SDK1: variants seen among roughly 807,000 people sequenced by gnomAD.
SDK1 encodes protein sidekick-1.
Under a neutral mutation model 245.5 loss-of-function variants are expected in SDK1, and 157 were observed. The observed-to-expected ratio is 0.64, with a 90% CI of 0.56 to 0.73. The LOEUF (loss-of-function observed/expected upper bound fraction) is 0.73, where lower values mean the gene tolerates loss of function less well. Ranked by LOEUF, SDK1 falls within the 30% of genes least tolerant of loss-of-function variation. The pLI is 0.00. For missense variants in SDK1, 3,583 were observed against 3,002.3 expected (o/e 1.19, Z -4.52); for synonymous variants, 1,647 against 1,278.5 (o/e 1.29, Z -6.15).
intron 44 of SDK1, among the ~76,000 whole-genome samples, chr7:4,252,082 G>C (rs1203751388): frequency 6.6e-6 from 1 of 152,024 alleles, no homozygotes; most frequent in Non-Finnish European, 1.5e-5. Context: ...TATACGTTAA[G>C]TTTTAGGGTA....
intron 17 of SDK1, among the ~76,000 whole-genome samples, chr7:4,048,670 T>A (rs2128165488): frequency 6.6e-6 from 1 of 152,312 alleles, no homozygotes; most frequent in East Asian, 1.9e-4. Context: ...GAGGCAGTCA[T>A]CTGCCCTTCA....
chr7:3,978,646 A>AATG (rs1394105802), intron 13 of SDK1, among the ~76,000 whole-genome samples: 1 of 152,138 alleles, frequency 6.6e-6, no homozygotes, highest in Non-Finnish European at 1.5e-5. Flanking sequence ...ATGGCAATAG[A>AATG]ATGATAATAA....
chr7:3,388,253 T>C lies in SDK1; in HGVS notation c.298+86369T>C, dbSNP rs190478877. ...GTGGATGTGTATATATTTTTATGTA[T>C]GTAAAGTTCTGAGGTTGAATAAGCC... On this transcript the variant is annotated intron_variant, in intron 1 of 44. Coordinates refer to ENST00000404826, the MANE Select transcript of SDK1 (RefSeq NM_152744.4). Among the ~76,000 whole-genome samples the C allele has an allele frequency of 2.6e-3, 393 of 152,138 alleles. 5 individuals carry two copies. The highest frequency in any genetic ancestry group is 9.1e-3 in the African/African-American group (377 of 41,482).
chr7:3,488,281 T>C (rs961629300), intron 1 of SDK1, among the ~76,000 whole-genome samples: 3 of 152,322 alleles, frequency 2.0e-5, no homozygotes, highest in South Asian at 2.1e-4. Flanking sequence ...TTTTCTTTTC[T>C]TTTCTGTGCT....
intron 35 of SDK1, among the ~76,000 whole-genome samples, chr7:4,183,811 A>T (rs1358587610): frequency 1.3e-5 from 2 of 152,166 alleles, no homozygotes; most frequent in African/African-American, 4.8e-5. Context: ...CTCTAAGTTA[A>T]ACTAAAAAGT....
intron 22 of SDK1, among the ~76,000 whole-genome samples, chr7:4,103,888 G>A (rs960370392): frequency 3.2e-4 from 49 of 152,388 alleles, no homozygotes; most frequent in African/African-American, 1.1e-3. Flanking sequence ...AGGCTTTCCA[G>A]GTCAGACGCT....
chr7:3,847,171 C>T (rs1054152458), intron 5 of SDK1, among the ~76,000 whole-genome samples: 2 of 152,086 alleles, frequency 1.3e-5, no homozygotes, highest in South Asian at 2.1e-4. Context: ...CCTGCCTTTG[C>T]GATTTCAACC....
intron 1 of SDK1, among the ~76,000 whole-genome samples, chr7:3,430,803 GGT>G (rs1389982395): frequency 6.6e-6 from 1 of 152,186 alleles, no homozygotes; most frequent in African/African-American, 2.4e-5. Flanking sequence ...CCATGCCTCC[GGT>G]GGATGGAATG....
chr7:3,783,917 A>C (rs1780824347), intron 4 of SDK1, among the ~76,000 whole-genome samples: 1 of 152,210 alleles, frequency 6.6e-6, no homozygotes, highest in South Asian at 2.1e-4. Flanking sequence ...CAAAAGAATA[A>C]AGCTGAAGGC....
At chr7:4,036,940 C>G (rs118068720) in intron 17 of SDK1, among the ~76,000 whole-genome samples, 92 of 152,278 alleles carry the variant, frequency 6.0e-4, no homozygotes, top group Non-Finnish European at 1.2e-3. Context: ...CAGGTTCTTG[C>G]AGCTGTCTAT....
intron 25 of SDK1, among the ~76,000 whole-genome samples, chr7:4,120,929 TAA>T (rs1216291142): frequency 4.2e-5 from 6 of 141,398 alleles, no homozygotes; most frequent in Non-Finnish European, 7.7e-5. Context: ...AACACTCTTT[TAA>T]AAAAAAAAAA....
intron 4 of SDK1, among the ~76,000 whole-genome samples, chr7:3,736,132 C>T (rs534422327): frequency 5.9e-5 from 9 of 152,176 alleles, no homozygotes; most frequent in East Asian, 3.9e-4. Context: ...TTTCTTATTC[C>T]GTAGGTTGCA....
chr7:3,939,946 T>A (rs1036941701), intron 5 of SDK1, among the ~76,000 whole-genome samples: 2 of 152,232 alleles, frequency 1.3e-5, no homozygotes, highest in Non-Finnish European at 2.9e-5. Flanking sequence ...GGAGCTGTCT[T>A]CACCCAGCCC....
At chr7:3,538,859 A>G (rs184348435) in intron 1 of SDK1, among the ~76,000 whole-genome samples, 3 of 152,350 alleles carry the variant, frequency 2.0e-5, no homozygotes, top group East Asian at 1.9e-4. Context: ...AAAGTGTTCC[A>G]AAAGCACACT....
At chr7:3,804,551 T>C (rs1779193004) in intron 4 of SDK1, among the ~76,000 whole-genome samples, 1 of 152,226 alleles carries the variant, frequency 6.6e-6, no homozygotes. Flanking sequence ...GCTATTCTAA[T>C]TCTTCTGCCT....
chr7:3,431,358 GTTTTTTT>G (rs34510123), intron 1 of SDK1, among the ~76,000 whole-genome samples: 5 of 118,370 alleles, frequency 4.2e-5, no homozygotes, highest in African/African-American at 6.7e-5. Context: ...AATGTGGGAG[GTTTTTTT>G]TTTTTTTTTT....
intron 4 of SDK1, among the ~76,000 whole-genome samples, chr7:3,757,983 C>T (rs371258208): frequency 3.3e-5 from 5 of 152,110 alleles, no homozygotes; most frequent in Non-Finnish European, 7.4e-5. Context: ...AAATTCCATA[C>T]GTTTTAGTAG....
At chr7:3,718,055 A>T (rs1210914539) in intron 4 of SDK1, among the ~76,000 whole-genome samples, 3 of 152,168 alleles carry the variant, frequency 2.0e-5, no homozygotes, top group African/African-American at 7.2e-5. Flanking sequence ...AAAGTACAGG[A>T]AGAATTAGAC....
intron 5 of SDK1, among the ~76,000 whole-genome samples, chr7:3,837,137 T>C (rs1418449803): frequency 6.6e-6 from 1 of 152,198 alleles, no homozygotes; most frequent in Non-Finnish European, 1.5e-5. Context: ...GGCTTTAACA[T>C]AGTAATTTTT....
Sources: gnomAD v4.1 joint callset for allele counts (sites outside exome capture counted in the v4.1 genomes callset) on GRCh38, gnomAD v4.1.1 for gene constraint, MANE v1.5 for transcripts, NCBI Gene and HGNC (gene_info 2026-07-23, HGNC 2026-07-21) for gene names.